The following CDH23 variants were observed in gnomAD, a reference collection of about 807,000 sequenced individuals.
CDH23 encodes the protein cadherin related 23, also known as cadherin-23.
CDH23 carries 189 observed loss-of-function variants against 317.1 expected under a neutral mutation model. That is an observed-to-expected ratio of 0.60 (90% CI 0.53 to 0.67). CDH23 has a LOEUF of 0.67. Among genes scored for constraint, CDH23 ranks in the 30% least tolerant of loss-of-function variants. CDH23 has a pLI of 0.00. For missense variants in CDH23, 4,401 were observed against 4,592.4 expected, an observed-to-expected ratio of 0.96 and a Z score of 1.20; for synonymous variants, 1,839 against 1,876.8, an observed-to-expected ratio of 0.98 and a Z score of 0.52.
intron 1 of CDH23, among the ~76,000 whole-genome samples, chr10:71,424,186 C>A (rs1848942985): frequency 6.6e-6 from 1 of 152,230 alleles, no homozygotes; most frequent in African/African-American, 2.4e-5. Context: ...TGAGGCTAAG[C>A]AGGGATTTGA....
intron 9 of CDH23, among the ~76,000 whole-genome samples, chr10:71,578,778 G>A (rs59125148): frequency 0.05 from 7,628 of 152,208 alleles, 602 homozygotes; most frequent in African/African-American, 0.17. Context: ...TGAAGGGTCA[G>A]CCTGGTGTAT....
At chr10:71,752,122 C>A in intron 38 of CDH23, 1 of 632,030 alleles carries the variant, frequency 1.6e-6, no homozygotes, top group Non-Finnish European at 2.9e-6. Context: ...ACCATCAACC[C>A]CGGGCACAGC....
At chr10:71,444,070 C>T (rs1850036107) in intron 2 of CDH23, among the ~76,000 whole-genome samples, 5 of 152,256 alleles carry the variant, frequency 3.3e-5, no homozygotes, top group Admixed American at 3.3e-4. Context: ...ATTCTCTGGG[C>T]ACTCATTTGC....
chr10:71,693,995 G>A (rs1187692163), intron 20 of CDH23, among the ~76,000 whole-genome samples, 152 bp from the exon 21 acceptor site: 1 of 152,160 alleles, frequency 6.6e-6, no homozygotes, highest in Non-Finnish European at 1.5e-5. Flanking sequence ...CACCAGCTCA[G>A]GAACACATCC....
At position 71,739,661 on chromosome 10, in the gene CDH23, C is replaced by T. The variant is rs1268585384; in HGVS notation, c.4377C>T (p.Ala1459=). ...GSNGQVVFSL[A]SGNIAGAFEI... ...CCCCACAGGTGGTCTTCTCCCTGGC[C>T]TCTGGCAACATCGCGGGGGCCTTTG... Residue 1459 remains alanine, a synonymous_variant, in exon 36 of 70, where the codon GCC becomes GCT. Coordinates refer to ENST00000224721, the MANE Select transcript of CDH23 (RefSeq NM_022124.6). 4 of 1,613,228 alleles carry T rather than the reference C, an allele frequency of 2.5e-6. No individual in the cohort carries two copies. The highest frequency in any genetic ancestry group is 3.4e-6 in the Non-Finnish European group (4 of 1,179,570).
At chr10:71,747,405 T>C (rs965195066) in intron 38 of CDH23, among the ~76,000 whole-genome samples, 3 of 152,192 alleles carry the variant, frequency 2.0e-5, no homozygotes, top group Non-Finnish European at 4.4e-5. Flanking sequence ...ACGTTTCTGG[T>C]GTGCAGTACA....
intron 9 of CDH23, among the ~76,000 whole-genome samples, chr10:71,582,227 C>G (rs906738547): frequency 1.2e-4 from 19 of 152,168 alleles, no homozygotes; most frequent in Admixed American, 2.0e-4. Flanking sequence ...TGGTAGTGAC[C>G]TCTAGCTGTG....
intron 8 of CDH23, among the ~76,000 whole-genome samples, chr10:71,573,576 T>C (rs1395799891): frequency 6.6e-6 from 1 of 152,206 alleles, no homozygotes; most frequent in Non-Finnish European, 1.5e-5. Context: ...CTCCTGATGC[T>C]CCATTTCTTG....
At chr10:71,790,207 G>T in intron 45 of CDH23, 81 bp from the exon 46 acceptor site, 1 of 1,556,690 alleles carries the variant, frequency 6.4e-7, no homozygotes, top group Non-Finnish European at 8.7e-7. Context: ...CGTCAGCCAT[G>T]GCTCACCGGG....
At chr10:71,677,376 G>A (rs1361922109) in intron 15 of CDH23, 80 bp from the exon 16 acceptor site, 5 of 1,145,076 alleles carry the variant, frequency 4.4e-6, no homozygotes, top group Non-Finnish European at 3.8e-6. Flanking sequence ...GGCAAGGACA[G>A]GCTGGGAAAT....
intron 34 of CDH23, among the ~76,000 whole-genome samples, chr10:71,738,091 G>T (rs917628261): frequency 1.3e-5 from 2 of 152,172 alleles, no homozygotes. Context: ...TTACTCATCA[G>T]CCAATTTCAC....
intron 6 of CDH23, among the ~76,000 whole-genome samples, chr10:71,562,719 G>C (rs966230169): frequency 2.0e-5 from 3 of 152,256 alleles, no homozygotes; most frequent in African/African-American, 7.2e-5. Flanking sequence ...GACAAAGTCA[G>C]CGGGGCCTGG....
rs775197615 is a variant in CDH23 at position 71,724,059 on chromosome 10, C to T, written c.3384C>T (p.Asp1128=). ...GHSILQLKAT[D]ADEGEFGRVW... ...TTCTTCCTCAGCTGAAAGCCACGGA[C>T]GCAGATGAGGGCGAGTTTGGGCGTG... The change falls in exon 29 of 70, where the codon GAC becomes GAT. Residue 1128 remains aspartate, a synonymous_variant. Transcript: ENST00000224721. 10 of 1,560,594 alleles carry T rather than the reference C, an allele frequency of 6.4e-6. No homozygotes were observed. The highest frequency in any genetic ancestry group is 3.8e-5 in the Admixed American group (2 of 52,048).
rs750608117 is a variant in CDH23, at chr10:71,679,369, C to T, written c.1753-18C>T. 2.0e-6 allele frequency: 3 copies of T among 1,533,758 alleles called. No individual in the cohort carries two copies. The highest frequency in any genetic ancestry group is 2.7e-6 in the Non-Finnish European group (3 of 1,127,266). On this transcript the variant is annotated intron_variant, in intron 16 of 69. Coordinates refer to ENST00000224721, the MANE Select transcript of CDH23 (RefSeq NM_022124.6). ...TCTCCTGCAGGCTCACGGCCCTTGT[C>T]TGCCCTCTTCCTTTCAGGCAACAGA...
intron 41 of CDH23, 143 bp downstream of exon 41, chr10:71,779,590 C>G: frequency 1.6e-6 from 1 of 611,546 alleles, no homozygotes; most frequent in South Asian, 2.7e-5. Context: ...CCATCTATGA[C>G]AATGATGGAA....
At chr10:71,493,684 G>T (rs1774547229) in intron 3 of CDH23, among the ~76,000 whole-genome samples, 1 of 152,176 alleles carries the variant, frequency 6.6e-6, no homozygotes, top group African/African-American at 2.4e-5. Context: ...GGCTCTGAGA[G>T]ATCCTGCAGG....
chr10:71,571,997 C>T (rs1308366025), intron 8 of CDH23, among the ~76,000 whole-genome samples: 4 of 152,250 alleles, frequency 2.6e-5, no homozygotes, highest in African/African-American at 9.6e-5. Context: ...GGCCTCCCTT[C>T]ACAGCATGAG....
At chr10:71,498,599 G>C (rs1853103357) in intron 3 of CDH23, among the ~76,000 whole-genome samples, 1 of 152,242 alleles carries the variant, frequency 6.6e-6, no homozygotes, top group South Asian at 2.1e-4. Flanking sequence ...CAGGTGCCCA[G>C]GCAGTGTTTG....
Position 71,809,963 on chromosome 10 carries a change from C to A in CDH23, c.8866C>A (p.Arg2956Ser), listed in dbSNP as rs751367894. 6.2e-7 allele frequency: 1 copy of A among 1,612,232 alleles called. No individual in the cohort carries two copies. Among genetic ancestry groups the A allele is most frequent in the East Asian group, 2.2e-5 (1 of 44,884 alleles). The change falls in exon 61 of 70, where the codon CGC becomes AGC. Residue 2956 changes from arginine (R) to serine (S), a missense_variant. Arg to Ser is a moderately radical substitution (Grantham distance 110). Transcript: ENST00000224721. The stretch of plus-strand genomic sequence containing the variant: ...CATCTACATCCTGAGGGACGACCAG[C>A]GCGTCAAGATCGTCATTAACGAGAT... ...IGIYILRDDQ[R>S]VKIVINEIPD... is the part of the protein sequence containing the mutation.
Sources: gnomAD v4.1 joint callset for allele counts (sites outside exome capture counted in the v4.1 genomes callset) on GRCh38, gnomAD v4.1.1 for gene constraint, MANE v1.5 for transcripts, NCBI Gene and HGNC (gene_info 2026-07-23, HGNC 2026-07-21) for gene names.